The following PRDM6 variants were observed in gnomAD, a reference collection of about 807,000 sequenced individuals.
PRDM6 encodes putative histone-lysine N-methyltransferase PRDM6.
A neutral mutation model predicts 60.8 loss-of-function variants in PRDM6; 25 were observed. The ratio of observed to expected loss-of-function variants is 0.41; its 90% confidence interval spans 0.30 to 0.57. The LOEUF (loss-of-function observed/expected upper bound fraction) is 0.57. Ranked by LOEUF, PRDM6 falls within the 20% of genes least tolerant of loss-of-function variation. The pLI is 0.27. For synonymous variants in PRDM6, 407 were observed against 357.4 expected (o/e 1.14, Z -1.57); for missense variants, 839 against 821.3 (o/e 1.02, Z -0.26).
intron 7 of PRDM6, among the ~76,000 whole-genome samples, chr5:123,185,331 AT>A (rs1225056047): frequency 6.6e-6 from 1 of 152,188 alleles, no homozygotes; most frequent in Non-Finnish European, 1.5e-5. Flanking sequence ...AAGGAATATA[AT>A]AATTTGAAAG....
intron 3 of PRDM6, among the ~76,000 whole-genome samples, chr5:123,112,517 A>G (rs1764335472): frequency 6.6e-6 from 1 of 151,896 alleles, no homozygotes; most frequent in Admixed American, 6.6e-5. Flanking sequence ...TCTTTCTCAC[A>G]CCCGGAGAGC....
At chr5:123,178,970 A>C (rs1034104531) in intron 6 of PRDM6, among the ~76,000 whole-genome samples, 5 of 152,258 alleles carry the variant, frequency 3.3e-5, no homozygotes, top group African/African-American at 1.2e-4. Flanking sequence ...CTGGCTCATA[A>C]GCCAGGGCTT....
At chr5:123,133,782 G>A (rs1463604224) in intron 3 of PRDM6, among the ~76,000 whole-genome samples, 3 of 149,192 alleles carry the variant, frequency 2.0e-5, no homozygotes, top group African/African-American at 7.4e-5. Context: ...GGATCATCTT[G>A]AAAAAGTTCA....
Position 123,099,545 on chromosome 5 carries a change from A to C in PRDM6, c.593-109A>C. ...GCATCACCTTCCTCGAAGGTGGCTT[A>C]CCCAGGCGGGCGGTGATGCTGTTGT... On this transcript the variant is annotated intron_variant, in intron 2 of 7. Transcript: ENST00000407847. This position sits in a 1 kb window ranked among gnomAD's most constrained non-coding sequence, Gnocchi z 4.0. 1 of 1,045,912 alleles carries C rather than the reference A, an allele frequency of 9.6e-7. No individual in the cohort carries two copies. The highest frequency in any genetic ancestry group is 1.3e-6 in the Non-Finnish European group (1 of 758,252). 64.8% of individuals were successfully genotyped at this position (1,045,912 alleles called of 1,614,324 possible).
intron 3 of PRDM6, among the ~76,000 whole-genome samples, chr5:123,104,604 TGTCA>T (rs1217784181): frequency 1.3e-5 from 2 of 152,202 alleles, no homozygotes; most frequent in Non-Finnish European, 2.9e-5. Flanking sequence ...ATAGTCTGCC[TGTCA>T]GTTTGGTTTT....
In PRDM6 at chr5:123,152,648, A is replaced by T. The variant is rs538279899; in HGVS notation, c.901-3236A>T. Among the ~76,000 whole-genome samples the T allele has an allele frequency of 2.0e-5, 3 of 152,338 alleles. No homozygotes were observed. In the South Asian group the frequency reaches 6.2e-4, roughly 32 times the overall value. On this transcript the variant is annotated intron_variant, in intron 3 of 7. Coordinates refer to ENST00000407847, the MANE Select transcript of PRDM6 (RefSeq NM_001136239.4). ...TTTCTATGATTATTGTTGTTATCATAAGCTGGCAGCCTTGGTAAATGACAA... is the reference window on the plus strand; with the variant it reads ...TTTCTATGATTATTGTTGTTATCATTAGCTGGCAGCCTTGGTAAATGACAA...
chr5:123,153,348 A>G (rs1036088695), intron 3 of PRDM6, among the ~76,000 whole-genome samples: 4 of 152,190 alleles, frequency 2.6e-5, no homozygotes, highest in Non-Finnish European at 5.9e-5. Flanking sequence ...AGAGAATGAC[A>G]TAAATGCACT....
intron 6 of PRDM6, among the ~76,000 whole-genome samples, chr5:123,177,738 A>C (rs988153475): frequency 6.6e-6 from 1 of 152,198 alleles, no homozygotes; most frequent in African/African-American, 2.4e-5. Context: ...TTCCTGGGTC[A>C]TGCACATTTG....
At chr5:123,147,859 A>C (rs1313042328) in intron 3 of PRDM6, among the ~76,000 whole-genome samples, 1 of 152,256 alleles carries the variant, frequency 6.6e-6, no homozygotes, top group South Asian at 2.1e-4. Context: ...GGCAGGCTTC[A>C]TATCGACGGC....
rs1048812730 is a variant in PRDM6, at chr5:123,099,565, TGTTGTCTCGGGA to T, written c.593-85_593-74del. ...GGCTTACCCAGGCGGGCGGTGATGC[TGTTGTCTCGGGA>T]GTTTACTCAAAGATGGGCCGCTCGG... On this transcript the variant is annotated intron_variant, in intron 2 of 7. Coordinates refer to ENST00000407847, the MANE Select transcript of PRDM6 (RefSeq NM_001136239.4). The surrounding 1 kb of genome is among the most constrained non-coding windows in gnomAD (Gnocchi z 4.0). 25 of 1,243,508 alleles carry T rather than the reference TGTTGTCTCGGGA, an allele frequency of 2.0e-5. No individual in the cohort carries two copies. In the Admixed American group the frequency reaches 7.7e-4, roughly 38 times the overall value. 77.0% of individuals were successfully genotyped at this position (1,243,508 alleles called of 1,614,324 possible). A position where few individuals can be genotyped will look rare whatever the true frequency, so the allele number is the denominator to read the frequency against.
At chr5:123,098,510 T>G (rs573439710) in intron 2 of PRDM6, among the ~76,000 whole-genome samples, 22 of 152,292 alleles carry the variant, frequency 1.4e-4, no homozygotes, top group African/African-American at 5.1e-4. Context: ...CGCCACAGGC[T>G]CTATTTCCCG....
Position 123,090,192 on chromosome 5 carries a change from G to C in PRDM6, c.178G>C (p.Glu60Gln), listed in dbSNP as rs753178637. 2.3e-5 allele frequency: 34 copies of C among 1,481,368 alleles called. No individual in the cohort carries two copies. Among genetic ancestry groups the C allele is most frequent in the South Asian group, 3.9e-5 (3 of 76,458 alleles). The allele number at this position is 1,481,368 out of a possible 1,614,324, so 91.8% of individuals were successfully genotyped here. A position where few individuals can be genotyped will look rare whatever the true frequency, so the allele number is the denominator to read the frequency against. ...GCCGCCGCCGCCGCCCCCGCCCCCGGAGCGCGCTGAGCCTCCGCCGGACAG... is the reference window on the plus strand; with the variant it reads ...GCCGCCGCCGCCGCCCCCGCCCCCGCAGCGCGCTGAGCCTCCGCCGGACAG... The part of the protein sequence containing the change: ...LQPPPPPPPP[E>Q]RAEPPPDSLR... Residue 60 changes from glutamate (E) to glutamine (Q), a missense_variant, in exon 2 of 8, where the codon GAG becomes CAG. By Grantham distance (29) the Glu-to-Gln change is conservative. Around this residue, in one of 2 missense-constraint regions of PRDM6, gnomAD observed 730 missense variants for 648.8 expected, o/e 1.13. Transcript: ENST00000407847.
At position 123,176,721 on chromosome 5, in the gene PRDM6, A is replaced by T. The variant is rs114539764; in HGVS notation, c.1497-3426A>T. On this transcript the variant is annotated intron_variant, in intron 6 of 7. Transcript: ENST00000407847. Reference sequence around the variant, plus strand: ...GAGCGAGACCCTGTCTCAAAAAATTAAAAAAATTAAAGAAGATTTCCATTT... The same window carrying T: ...GAGCGAGACCCTGTCTCAAAAAATTTAAAAAATTAAAGAAGATTTCCATTT... 4.7e-3 allele frequency among the ~76,000 whole-genome samples: 709 copies of T among 152,262 alleles called. 3 individuals are homozygous for T. The highest frequency in any genetic ancestry group is 0.017 in the African/African-American group (687 of 41,534).
chr5:123,104,281 G>C, intron 3 of PRDM6, among the ~76,000 whole-genome samples: 1 of 146,168 alleles, frequency 6.8e-6, no homozygotes, highest in Non-Finnish European at 1.5e-5. Context: ...AGAAGAAAAT[G>C]AATTGATTTC....
intron 4 of PRDM6, 47 bp from the exon 5 acceptor site, chr5:123,159,467 A>G: frequency 3.9e-6 from 6 of 1,540,646 alleles, no homozygotes. Flanking sequence ...ATGGGGGCAC[A>G]TGAGTCCTAT....
At chr5:123,176,906 C>G (rs1766025334) in intron 6 of PRDM6, among the ~76,000 whole-genome samples, 1 of 152,124 alleles carries the variant, frequency 6.6e-6, no homozygotes, top group Non-Finnish European at 1.5e-5. Context: ...TTTGGTCAGA[C>G]CTTGGAAAAT....
intron 3 of PRDM6, among the ~76,000 whole-genome samples, chr5:123,116,538 G>A (rs145681026): frequency 6.8e-4 from 103 of 152,200 alleles, no homozygotes; most frequent in African/African-American, 2.3e-3. Flanking sequence ...AAAGAAAACC[G>A]TCATATCTTT....
intron 3 of PRDM6, among the ~76,000 whole-genome samples, chr5:123,146,291 A>G (rs550981129): frequency 6.6e-5 from 10 of 152,306 alleles, no homozygotes; most frequent in African/African-American, 2.2e-4. Context: ...AAAGAGTTAA[A>G]TAGTACTCCA....
chr5:123,167,501 C>T (rs542516116), intron 5 of PRDM6, among the ~76,000 whole-genome samples: 31 of 152,200 alleles, frequency 2.0e-4, no homozygotes, highest in Admixed American at 1.7e-3. Flanking sequence ...GTGATTCTTC[C>T]GCCCCAGCCT....
Sources: allele counts gnomAD v4.1 joint callset (sites outside exome capture counted in the v4.1 genomes callset), GRCh38; gene constraint gnomAD v4.1.1; regional missense constraint gnomAD v4.1.1; non-coding constraint Gnocchi (gnomAD v3.1); transcripts MANE v1.5; gene names NCBI Gene and HGNC (gene_info 2026-07-23, HGNC 2026-07-21).